The following MMEL1 variants were observed in gnomAD, a reference collection of about 807,000 sequenced individuals.
The protein encoded by MMEL1 is membrane metallo-endopeptidase-like 1.
MMEL1 carries 98 observed loss-of-function variants against 117.1 expected under a neutral mutation model. That is an observed-to-expected ratio of 0.84 (90% CI 0.71 to 0.99). The LOEUF is 0.99. Ranked by LOEUF, MMEL1 falls within the 50% of genes least tolerant of loss-of-function variation. The pLI, the probability that MMEL1 is intolerant of heterozygous loss-of-function variation, is 0.00. For missense variants in MMEL1, 1,014 were observed against 1,049.1 expected (o/e 0.97, Z 0.46); for synonymous variants, 390 against 415.1 (o/e 0.94, Z 0.74).
chr1:2,629,480 C>G lies in MMEL1; in HGVS notation c.5G>C (p.Gly2Ala). The G allele has an allele frequency of 2.0e-6, 3 of 1,514,898 alleles. No homozygotes were observed. The South Asian group carries it at 3.7e-5, about 19-fold the overall frequency. The allele number at this position is 1,514,898 out of a possible 1,614,324, so 93.8% of individuals were successfully genotyped here. Residue 2 changes from glycine (G) to alanine (A), a missense_variant, in exon 2 of 24, where the codon GGG (glycine) becomes GCG (alanine). Gly to Ala is a moderately conservative substitution (Grantham distance 60). Transcript: ENST00000378412. ...CATCCCCACTGGGCCTTCGGACTTCCCCATCAGCAGGGCTCTGGACGGGAG... is the reference window on the plus strand; with the variant it reads ...CATCCCCACTGGGCCTTCGGACTTCGCCATCAGCAGGGCTCTGGACGGGAG... M[G>A]KSEGPVGMVE...
intron 11 of MMEL1, among the ~76,000 whole-genome samples, chr1:2,601,468 T>C (rs1388510909): frequency 6.6e-6 from 1 of 152,164 alleles, no homozygotes; most frequent in African/African-American, 2.4e-5. Context: ...CACAGTAGAT[T>C]GTAGACCTAA....
chr1:2,594,646 C>T, intron 17 of MMEL1, 144 bp downstream of exon 17: 3 of 885,024 alleles, frequency 3.4e-6, no homozygotes, highest in Admixed American at 4.6e-5. Flanking sequence ...GGACTCTGTC[C>T]AAGATAGGCC....
intron 2 of MMEL1, among the ~76,000 whole-genome samples, chr1:2,622,731 A>T (rs1428253295): frequency 6.6e-6 from 1 of 152,118 alleles, no homozygotes; most frequent in East Asian, 1.9e-4. Flanking sequence ...CTAAAAATAC[A>T]AAAATTATTT....
chr1:2,609,804 G>A lies in MMEL1; in HGVS notation c.320C>T (p.Pro107Leu), dbSNP rs756046469. Residue 107 changes from proline to leucine, a missense_variant, in exon 5 of 24, where the codon CCG becomes CTG. Pro to Leu is a moderately conservative substitution (Grantham distance 98). Coordinates refer to ENST00000378412, the MANE Select transcript of MMEL1 (RefSeq NM_033467.4). ...AAARILQNMD[P>L]TTEPCDDFYQ... is the part of the protein sequence containing the mutation. ...GAAGTCGTCACACGGTTCCGTGGTC[G>A]GGTCCATGTTCTGGAGGATCCTGGC... The A allele has an allele frequency of 4.3e-6, 7 of 1,612,256 alleles. No individual in the cohort carries two copies. Among genetic ancestry groups the A allele is most frequent in the African/African-American group, 2.7e-5 (2 of 74,910 alleles).
Position 2,595,814 on chromosome 1 carries a change from C to A in MMEL1, c.1500+195G>T, listed in dbSNP as rs1644827271. 2.0e-5 allele frequency among the ~76,000 whole-genome samples: 3 copies of A among 148,402 alleles called. No individual in the cohort carries two copies. The highest frequency in any genetic ancestry group is 2.0e-4 in the Admixed American group (3 of 14,948). Reference sequence around the variant, plus strand: ...CTCCACAGTGGGCGAGTGGTCCTGTCTGCGCCTCCCGGGGCTGCCTTCTCC... The same window carrying A: ...CTCCACAGTGGGCGAGTGGTCCTGTATGCGCCTCCCGGGGCTGCCTTCTCC... On this transcript the variant is annotated intron_variant, in intron 15 of 23. Transcript: ENST00000378412. This position sits in a 1 kb window ranked among gnomAD's most constrained non-coding sequence, Gnocchi z 4.8.
intron 1 of MMEL1, among the ~76,000 whole-genome samples, chr1:2,630,778 G>A (rs566275298): frequency 1.5e-5 from 2 of 132,124 alleles, no homozygotes; most frequent in African/African-American, 5.1e-5. Context: ...GGATATGCAC[G>A]TGTGTGCCTG....
chr1:2,627,804 T>C (rs190100083), intron 2 of MMEL1, among the ~76,000 whole-genome samples: 53 of 152,284 alleles, frequency 3.5e-4, no homozygotes, highest in African/African-American at 1.3e-3. Flanking sequence ...CAAGGTCAGC[T>C]GTGGGGTCAT....
chr1:2,630,777 CGT>C (rs143907286), intron 1 of MMEL1, among the ~76,000 whole-genome samples: 8,928 of 113,586 alleles, frequency 0.079, 357 homozygotes, highest in Non-Finnish European at 0.11. Flanking sequence ...TGGATATGCA[CGT>C]GTGTGCCTGA....
chr1:2,591,142 G>A, intron 23 of MMEL1, 53 bp from the exon 24 acceptor site: 1 of 1,293,898 alleles, frequency 7.7e-7, no homozygotes, highest in Non-Finnish European at 1.1e-6. Context: ...GACAAACATG[G>A]CCATTTTAAG....
At position 2,603,937 on chromosome 1, in the gene MMEL1, C is replaced by G; in HGVS notation, c.988G>C (p.Ala330Pro). ...TCCAGTCCCATCCGGTGGTACAAGG[C>G]GATGACGTCGTGTCTCTCCTCCTGG... is the stretch of plus-strand genomic sequence containing the variant. ...VPQEERHDVI[A>P]LYHRMGLEEL... The change falls in exon 11 of 24, where the codon GCC (alanine) becomes CCC (proline). Residue 330 changes from alanine (A) to proline (P), a missense_variant. Ala to Pro is a conservative substitution (Grantham distance 27). Transcript: ENST00000378412. The G allele has an allele frequency of 2.5e-6, 4 of 1,613,916 alleles. No individual in the cohort carries two copies. The highest frequency in any genetic ancestry group is 2.5e-6 in the Non-Finnish European group (3 of 1,179,998).
At position 2,595,494 on chromosome 1, in the gene MMEL1, G is replaced by A. The variant is rs1644820245; in HGVS notation, c.1501-135C>T. 5.5e-6 allele frequency: 4 copies of A among 724,972 alleles called. No individual in the cohort carries two copies. The highest frequency in any genetic ancestry group is 9.6e-6 in the Non-Finnish European group (4 of 416,774). The allele number at this position is 724,972 out of a possible 1,614,324, so 44.9% of individuals were successfully genotyped here. ...GGCTGTGCTCTCCCTGTCCTGTGGT[G>A]AGGGGCTGGGGGGCTCCGGGATCTG... On this transcript the variant is annotated intron_variant, in intron 15 of 23. Transcript: ENST00000378412. This position sits in a 1 kb window ranked among gnomAD's most constrained non-coding sequence, Gnocchi z 4.8.
At chr1:2,598,366 G>A in intron 12 of MMEL1, 66 bp from the exon 13 acceptor site, 1 of 1,514,144 alleles carries the variant, frequency 6.6e-7, no homozygotes. Context: ...AGGAGATATG[G>A]CTTAGGGCCC....
At chr1:2,626,483 C>T (rs76462423) in intron 2 of MMEL1, among the ~76,000 whole-genome samples, 69 of 152,360 alleles carry the variant, frequency 4.5e-4, no homozygotes, top group African/African-American at 1.5e-3. Flanking sequence ...TTCAACTTTG[C>T]TGTCCTAGCA....
rs1293023139 is a variant in MMEL1 at position 2,595,699 on chromosome 1, G to C, written c.1500+310C>G. Among the ~76,000 whole-genome samples, 1 of 152,118 alleles carries C rather than the reference G, an allele frequency of 6.6e-6. No homozygotes were observed. The highest frequency in any genetic ancestry group is 1.9e-4 in the East Asian group (1 of 5,162). On this transcript the variant is annotated intron_variant, in intron 15 of 23. Coordinates refer to ENST00000378412, the MANE Select transcript of MMEL1 (RefSeq NM_033467.4). This position sits in a 1 kb window ranked among gnomAD's most constrained non-coding sequence, Gnocchi z 4.8. ...GGAGCTTCTGGTGGGTCTGACCCTTGCTCCCGAGGCCACCGCTACCCCCGC... is the reference window on the plus strand; with the variant it reads ...GGAGCTTCTGGTGGGTCTGACCCTTCCTCCCGAGGCCACCGCTACCCCCGC...
At chr1:2,596,519 G>C in intron 14 of MMEL1, 42 bp downstream of exon 14, 1 of 1,594,602 alleles carries the variant, frequency 6.3e-7, no homozygotes, top group Non-Finnish European at 8.5e-7. Flanking sequence ...GTGTCCCTGT[G>C]GAAGGCTGGC....
intron 10 of MMEL1, 55 bp from the exon 11 acceptor site, chr1:2,604,028 C>T (rs1351150629): frequency 2.3e-5 from 37 of 1,596,214 alleles, no homozygotes; most frequent in Non-Finnish European, 3.1e-5. Flanking sequence ...CCCTGGGGCT[C>T]CTGGCCCAGT....
intron 18 of MMEL1, 146 bp downstream of exon 18, chr1:2,594,239 C>A (rs753592977): frequency 1.0e-6 from 1 of 967,538 alleles, no homozygotes; most frequent in Non-Finnish European, 1.6e-6. Flanking sequence ...GTGTTCCCCA[C>A]GGGGGCAGCA....
At position 2,594,810 on chromosome 1, in the gene MMEL1, C is replaced by T; in HGVS notation, c.1668G>A (p.Arg556=). Residue 556 remains arginine (R), a synonymous_variant, in exon 17 of 24, where the codon CGG becomes CGA. Transcript: ENST00000378412. ...VGAQRSLRKL[R]EKVDPNLWII... ...CTCACAGATTTGGGTCCACCTTTTC[C>T]CGAAGCTTCCTGAGGCTCCGCTGGG... 6.2e-7 allele frequency: 1 copy of T among 1,613,938 alleles called. No homozygotes were observed. The highest frequency in any genetic ancestry group is 1.1e-5 in the South Asian group (1 of 91,086).
At chr1:2,615,935 C>T (rs1645193232) in intron 2 of MMEL1, among the ~76,000 whole-genome samples, 1 of 151,990 alleles carries the variant, frequency 6.6e-6, no homozygotes, top group Non-Finnish European at 1.5e-5. Flanking sequence ...GCAGTGTATC[C>T]CAAGCTGGGC....
Sources: gnomAD v4.1 joint callset for allele counts (sites outside exome capture counted in the v4.1 genomes callset) on GRCh38, gnomAD v4.1.1 for gene constraint, Gnocchi (gnomAD v3.1) non-coding constraint, MANE v1.5 for transcripts, NCBI Gene and HGNC (gene_info 2026-07-23, HGNC 2026-07-21) for gene names.